ADAMTS13: variants seen among roughly 807,000 people sequenced by gnomAD.
The protein encoded by ADAMTS13 is A disintegrin and metalloproteinase with thrombospondin motifs 13.
ADAMTS13 carries 110 observed loss-of-function variants against 155.1 expected under a neutral mutation model. That is an observed-to-expected ratio of 0.71 (90% CI 0.61 to 0.83). ADAMTS13 has a LOEUF of 0.83. Ranked by LOEUF, ADAMTS13 falls within the 40% of genes least tolerant of loss-of-function variation. The pLI, the probability that ADAMTS13 is intolerant of heterozygous loss-of-function variation, is 0.00. For missense variants in ADAMTS13, 1,707 were observed against 1,891.7 expected (o/e 0.90, Z 1.81); for synonymous variants, 758 against 756.4 (o/e 1.00, Z -0.03).
At position 133,446,098 on chromosome 9, in the gene ADAMTS13, A is replaced by G. The variant is rs782151597; in HGVS notation, c.2731+279A>G. Among the ~76,000 whole-genome samples the G allele has an allele frequency of 1.4e-4, 21 of 152,194 alleles. 1 individual carries two copies. The highest frequency in any genetic ancestry group is 2.8e-4 in the Non-Finnish European group (19 of 68,038). Reference sequence around the variant, plus strand: ...TAGCAGAGCGGCCGGGGGGTCCCCAATTGATGACCCGAGCAGAGAAACCTT... The same window carrying G: ...TAGCAGAGCGGCCGGGGGGTCCCCAGTTGATGACCCGAGCAGAGAAACCTT... On this transcript the variant is annotated intron_variant, in intron 21 of 28. Transcript: ENST00000355699.
intron 17 of ADAMTS13, 21 bp from the exon 18 acceptor site, chr9:133,442,593 G>A: frequency 6.2e-7 from 1 of 1,613,304 alleles, no homozygotes; most frequent in Non-Finnish European, 8.5e-7. Flanking sequence ...AGGCGGCCTA[G>A]CCCTCCCTCT....
In ADAMTS13 at chr9:133,449,942, C is replaced by A; in HGVS notation, c.3021C>A (p.Cys1007Ter). 1.2e-6 allele frequency: 2 copies of A among 1,607,586 alleles called. No homozygotes were observed. Among genetic ancestry groups the A allele is most frequent in the Non-Finnish European group, 1.7e-6 (2 of 1,178,150 alleles). ...GLPRPEPQEA[C>*]SLEPCPPRWK... is the part of the protein sequence containing the mutation. ...CTCGCCCGGAACCCCAGGAGGCCTG[C>A]AGCCTGGAGCCCTGCCCACCTAGGT... The change falls in exon 23 of 29, where the codon TGC becomes TGA. Residue 1007 changes from cysteine to a stop codon, truncating the protein, a stop_gained. Coordinates refer to ENST00000355699, the MANE Select transcript of ADAMTS13 (RefSeq NM_139027.6). LOFTEE classifies it high-confidence loss of function.
rs782203933 is a variant in ADAMTS13, at chr9:133,424,451, G to GC, written c.304dup (p.Arg102ProfsTer37). 6.2e-7 allele frequency: 1 copy of GC among 1,613,756 alleles called. No homozygotes were observed. Reference sequence around the variant, plus strand: ...TCCAGGCTCACCAGGAGGACACAGAGCGCTATGTGCTCACCAACCTCAACA... The same window carrying GC: ...TCCAGGCTCACCAGGAGGACACAGAGCCGCTATGTGCTCACCAACCTCAACA... On this transcript the variant is annotated frameshift_variant, in exon 3 of 29. Transcript: ENST00000355699. LOFTEE classifies it high-confidence loss of function. This position sits in a 1 kb window ranked among gnomAD's most constrained non-coding sequence, Gnocchi z 4.3.
chr9:133,431,685 C>G (rs1244015279), intron 8 of ADAMTS13, among the ~76,000 whole-genome samples: 3 of 151,974 alleles, frequency 2.0e-5, no homozygotes, highest in Admixed American at 6.6e-5. Context: ...GACGGAGTCT[C>G]GCTCTGTCAC....
At chr9:133,429,872 C>T in intron 7 of ADAMTS13, 67 bp from the exon 8 acceptor site, 1 of 1,530,146 alleles carries the variant, frequency 6.5e-7, no homozygotes, top group African/African-American at 1.4e-5. Flanking sequence ...GTGCCCACTC[C>T]TCCGTCCCGC....
At chr9:133,450,970 C>CG (rs1219514136) in intron 23 of ADAMTS13, among the ~76,000 whole-genome samples, 2 of 152,098 alleles carry the variant, frequency 1.3e-5, no homozygotes, top group Non-Finnish European at 2.9e-5. Context: ...ATGTGGAAGA[C>CG]GGGAGGGATG....
chr9:133,430,189 C>T, intron 8 of ADAMTS13, 88 bp downstream of exon 8: 1 of 1,513,670 alleles, frequency 6.6e-7, no homozygotes, highest in Non-Finnish European at 8.9e-7. Flanking sequence ...ATGGTGAGAA[C>T]CTGCTGGGTG....
chr9:133,455,638 C>A (rs1554795673), intron 25 of ADAMTS13: 2 of 1,595,746 alleles, frequency 1.3e-6, no homozygotes, highest in Non-Finnish European at 1.7e-6. Flanking sequence ...CAGGCAGCTG[C>A]TGCAGGAGGG....
At chr9:133,414,506 T>C in exon 1 of ADAMTS13, 1 of 754,032 alleles carries the variant, frequency 1.3e-6, no homozygotes, top group Non-Finnish European at 2.3e-6. Flanking sequence ...ATGCGCACAC[T>C]CTAGGGGAAA....
intron 18 of ADAMTS13, 67 bp from the exon 19 acceptor site, chr9:133,443,309 G>A: frequency 1.3e-6 from 2 of 1,533,038 alleles, no homozygotes; most frequent in South Asian, 1.2e-5. Context: ...ATCAGCACCT[G>A]CCACCCCATC....
At chr9:133,439,000 C>G (rs1841464905) in intron 14 of ADAMTS13, among the ~76,000 whole-genome samples, 1 of 151,620 alleles carries the variant, frequency 6.6e-6, no homozygotes, top group South Asian at 2.1e-4. Flanking sequence ...GAGAGGGACA[C>G]AAGTGAATGA....
intron 8 of ADAMTS13, 122 bp from the exon 9 acceptor site, chr9:133,432,466 C>T (rs918226915): frequency 3.2e-5 from 28 of 868,330 alleles, no homozygotes; most frequent in Non-Finnish European, 4.4e-5. Flanking sequence ...CCAGTGCCCA[C>T]GGTGCAGAGT....
At chr9:133,433,882 G>C (rs1338205368) in intron 11 of ADAMTS13, among the ~76,000 whole-genome samples, 178 bp downstream of exon 11, 2 of 152,126 alleles carry the variant, frequency 1.3e-5, no homozygotes, top group Non-Finnish European at 2.9e-5. Context: ...GATCACCTGA[G>C]GTCAGGGGTT....
chr9:133,436,159 T>C lies in ADAMTS13; in HGVS notation c.1309-670T>C, dbSNP rs1841196716. Reference sequence around the variant, plus strand: ...TTTTGGCCATCTCGGTGGTATGAAATGGTAGAAAGATTCTTTTTACATTGA... The same window carrying C: ...TTTTGGCCATCTCGGTGGTATGAAACGGTAGAAAGATTCTTTTTACATTGA... On this transcript the variant is annotated intron_variant, in intron 11 of 28. Coordinates refer to ENST00000355699, the MANE Select transcript of ADAMTS13 (RefSeq NM_139027.6). Among the ~76,000 whole-genome samples the C allele has an allele frequency of 5.6e-5, 8 of 142,340 alleles. No homozygotes were observed. In the South Asian group the frequency reaches 9.1e-4, roughly 16 times the overall value. The allele number at this position is 142,340 out of a possible 152,430, so 93.4% of individuals were successfully genotyped here.
chr9:133,424,294 C>A lies in ADAMTS13; in HGVS notation c.173-27C>A. 6.2e-7 allele frequency: 1 copy of A among 1,609,878 alleles called. No individual in the cohort carries two copies. Among genetic ancestry groups the A allele is most frequent in the Non-Finnish European group, 8.5e-7 (1 of 1,179,850 alleles). On this transcript the variant is annotated intron_variant, in intron 2 of 28. Transcript: ENST00000355699. The surrounding 1 kb of genome is among the most constrained non-coding windows in gnomAD (Gnocchi z 4.3). ...CACTGCTTGCTCTCTAGAACCATCG[C>A]CCTCTGCTCTCCCTCTCCCCCTCCA...
exon 1 of ADAMTS13, chr9:133,414,504 A>C (rs1554781024): frequency 1.3e-6 from 1 of 746,188 alleles, no homozygotes; most frequent in Non-Finnish European, 2.4e-6. Flanking sequence ...TCATGCGCAC[A>C]CTCTAGGGGA....
chr9:133,416,828 T>C (rs782743920), intron 1 of ADAMTS13, among the ~76,000 whole-genome samples: 2 of 152,248 alleles, frequency 1.3e-5, no homozygotes, highest in Admixed American at 6.5e-5. Flanking sequence ...CACAGTCTTA[T>C]TGTGGGGATT....
chr9:133,429,745 C>T (rs1554786509), intron 7 of ADAMTS13, 194 bp from the exon 8 acceptor site: 1 of 786,658 alleles, frequency 1.3e-6, no homozygotes, highest in African/African-American at 1.7e-5. Context: ...CCCACCTCTG[C>T]GCCGGCAGGA....
At chr9:133,417,035 G>C (rs1839667216), upstream of ADAMTS13, among the ~76,000 whole-genome samples, 1 of 152,200 alleles carries the variant, frequency 6.6e-6, no homozygotes, top group Non-Finnish European at 1.5e-5. Flanking sequence ...GTTTGAGATG[G>C]AGTCTCGCTC....
Sources: allele counts gnomAD v4.1 joint callset (sites outside exome capture counted in the v4.1 genomes callset), GRCh38; gene constraint gnomAD v4.1.1; non-coding constraint Gnocchi (gnomAD v3.1); transcripts MANE v1.5; gene names NCBI Gene and HGNC (gene_info 2026-07-23, HGNC 2026-07-21).